Variants in DHX30 observed in about 807,000 individuals in gnomAD.
DHX30 encodes DExH-box helicase 30.
A neutral mutation model predicts 116.9 loss-of-function variants in DHX30; 4 were observed. The ratio of observed to expected loss-of-function variants is 0.03; its 90% CI spans 0.02 to 0.08. The LOEUF (loss-of-function observed/expected upper bound fraction) is 0.08. Among genes scored for constraint, DHX30 ranks in the 10% least tolerant of loss-of-function variants. The pLI is 1.00. For missense variants in DHX30, 871 were observed against 1,595.1 expected, an observed-to-expected ratio of 0.55 and a Z score of 7.73; for synonymous variants, 697 against 651.7, an observed-to-expected ratio of 1.07 and a Z score of -1.06.
rs527633038 is a variant in DHX30 at position 47,841,700 on chromosome 3, A to G, written c.752A>G (p.Lys251Arg). 3.1e-6 allele frequency: 5 copies of G among 1,614,240 alleles called. No homozygotes were observed. The highest frequency in any genetic ancestry group is 2.7e-5 in the African/African-American group (2 of 75,056). ...CCACTTCCCAAGAACCTTCTGGCCA[A>G]GGTGATTCAGATTGCAACGTCATCC... ...QFPLPKNLLAKVIQIATSSST... is the reference protein window; with the variant it reads ...QFPLPKNLLARVIQIATSSST... Residue 251 changes from lysine to arginine, a missense_variant, in exon 8 of 22, where the codon AAG becomes AGG. Transcript: ENST00000445061.
In DHX30 at chr3:47,848,889, G is replaced by C. The variant is rs1207657948; in HGVS notation, c.2770-31G>C. The C allele has an allele frequency of 6.3e-7, 1 of 1,596,292 alleles. No individual in the cohort carries two copies. Among genetic ancestry groups the C allele is most frequent in the Non-Finnish European group, 8.6e-7 (1 of 1,167,354 alleles). On this transcript the variant is annotated intron_variant, in intron 17 of 21. Coordinates refer to ENST00000445061, the MANE Select transcript of DHX30 (RefSeq NM_138615.3). This position sits in a 1 kb window ranked among gnomAD's most constrained non-coding sequence, Gnocchi z 9.4. ...AGGGGGCGTTGTCTAGCCCCTGCCTGTGATCCGGCTGCCCTCTTCTCCCCT... is the reference window on the plus strand; with the variant it reads ...AGGGGGCGTTGTCTAGCCCCTGCCTCTGATCCGGCTGCCCTCTTCTCCCCT...
rs1300208833 is a variant in DHX30 at position 47,848,068 on chromosome 3, G to A, written c.2286+112G>A. 68 of 1,579,664 alleles carry A rather than the reference G, an allele frequency of 4.3e-5. No individual in the cohort carries two copies. The highest frequency in any genetic ancestry group is 8.5e-5 in the Admixed American group (5 of 59,126). ...GCTTTGTGTGTCTTCAGAAGGCCGCGCTTGTGGGGTCTCAGTGTTCCTGAT... is the reference window on the plus strand; with the variant it reads ...GCTTTGTGTGTCTTCAGAAGGCCGCACTTGTGGGGTCTCAGTGTTCCTGAT... On this transcript the variant is annotated intron_variant, in intron 14 of 21. Transcript: ENST00000445061. The surrounding 1 kb of genome is among the most constrained non-coding windows in gnomAD (Gnocchi z 9.4).
intron 4 of DHX30, chr3:47,826,174 C>G (rs1296638198): frequency 1.3e-5 from 2 of 152,234 alleles, no homozygotes; most frequent in Non-Finnish European, 2.9e-5. Context: ...ATATATACAG[C>G]TCCTTTTGGA....
At position 47,848,510 on chromosome 3, in the gene DHX30, C is replaced by G; in HGVS notation, c.2535C>G (p.Ile845Met). Residue 845 changes from isoleucine (I) to methionine (M), a missense_variant, in exon 16 of 22, where the codon ATC (isoleucine) becomes ATG (methionine). By Grantham distance (10) the Ile-to-Met change is conservative (BLOSUM62 1). Transcript: ENST00000445061. The surrounding 1 kb of genome is among the most constrained non-coding windows in gnomAD (Gnocchi z 9.4). ...FLSKAVDSPN[I>M]KAVDEAVILL... is the part of the protein sequence containing the mutation. ...CCAAGGCTGTGGACAGTCCAAACAT[C>G]AAGGCAGTGGACGAGGCTGTGATCT... The G allele has an allele frequency of 6.2e-7, 1 of 1,613,788 alleles. No homozygotes were observed. The highest frequency in any genetic ancestry group is 8.5e-7 in the Non-Finnish European group (1 of 1,179,946).
At chr3:47,849,129 G>A in intron 18 of DHX30, 50 bp downstream of exon 18, 1 of 1,612,348 alleles carries the variant, frequency 6.2e-7, no homozygotes, top group Non-Finnish European at 8.5e-7. Flanking sequence ...CCCCCACTGA[G>A]TTTCTGTCAC....
At chr3:47,825,048 C>A (rs751807980) in intron 4 of DHX30, 3 of 656,528 alleles carry the variant, frequency 4.6e-6, no homozygotes, top group Non-Finnish European at 8.2e-6. Flanking sequence ...CGATGGCGGC[C>A]GCTAGGAGAC....
chr3:47,841,927 CAG>C, intron 8 of DHX30, 190 bp downstream of exon 8: 1 of 750,858 alleles, frequency 1.3e-6, no homozygotes, highest in East Asian at 2.6e-5. Flanking sequence ...CTCAGCAGCA[CAG>C]GGAGTGGGCT....
intron 4 of DHX30, among the ~76,000 whole-genome samples, chr3:47,826,403 G>A (rs929249823): frequency 2.6e-5 from 4 of 151,932 alleles, no homozygotes; most frequent in African/African-American, 7.3e-5. Context: ...GAACTTGGGG[G>A]AGGAGTAATT....
At chr3:47,813,939 A>ACTGAACTT (rs1442128275) in intron 3 of DHX30, among the ~76,000 whole-genome samples, 2 of 147,906 alleles carry the variant, frequency 1.4e-5, no homozygotes, top group Admixed American at 1.4e-4. Context: ...GAAGGAAAAA[A>ACTGAACTT]CTGAACTTGA....
rs566630504 is a variant in DHX30, at chr3:47,839,371, C to T, written c.367-1506C>T. The stretch of plus-strand genomic sequence containing the variant: ...GTGCAATGGTGCGATCTCAGCTCAC[C>T]GCAACCTCTGCCTCCCAGGTTCAAG... On this transcript the variant is annotated intron_variant, in intron 6 of 21. Coordinates refer to ENST00000445061, the MANE Select transcript of DHX30 (RefSeq NM_138615.3). Among the ~76,000 whole-genome samples the T allele has an allele frequency of 1.4e-4, 21 of 146,636 alleles. No homozygotes were observed. In the East Asian group the frequency reaches 1.7e-3, roughly 12 times the overall value.
intron 4 of DHX30, among the ~76,000 whole-genome samples, chr3:47,824,318 A>G (rs2036438845): frequency 6.6e-6 from 1 of 151,690 alleles, no homozygotes; most frequent in African/African-American, 2.4e-5. Context: ...CAGCACTTTC[A>G]CTGCTGGACT....
chr3:47,829,343 G>GT (rs539815717), intron 6 of DHX30, among the ~76,000 whole-genome samples: 4,739 of 69,494 alleles, frequency 0.068, 231 homozygotes, highest in South Asian at 0.14. Context: ...TGTGTTTTTG[G>GT]TTTTTTTTTT....
intron 9 of DHX30, 138 bp downstream of exon 9, chr3:47,843,393 G>A: frequency 8.4e-7 from 1 of 1,194,738 alleles, no homozygotes; most frequent in Non-Finnish European, 1.2e-6. Context: ...CAGCTGGTAT[G>A]CAGGCCTCGC....
chr3:47,816,759 G>A, intron 3 of DHX30: 4 of 985,376 alleles, frequency 4.1e-6, no homozygotes, highest in Non-Finnish European at 4.8e-6. Context: ...TGTGCAGCTG[G>A]GACTGTGGGG....
intron 9 of DHX30, among the ~76,000 whole-genome samples, chr3:47,845,076 TGTG>T (rs1559718546): frequency 1.3e-5 from 2 of 152,072 alleles, no homozygotes; most frequent in Non-Finnish European, 2.9e-5. Context: ...AGTGGCCTAT[TGTG>T]GTGTTGGGGG....
intron 4 of DHX30, chr3:47,825,360 G>T (rs1022172900): frequency 1.9e-6 from 1 of 528,064 alleles, no homozygotes; most frequent in Admixed American, 4.1e-5. Flanking sequence ...CTCTTCCATA[G>T]TGGCCAAGTT....
At chr3:47,838,543 A>G (rs1459103503) in intron 6 of DHX30, among the ~76,000 whole-genome samples, 1 of 152,216 alleles carries the variant, frequency 6.6e-6, no homozygotes, top group East Asian at 1.9e-4. Context: ...ATTATCTCAA[A>G]AACCCAAGGA....
At chr3:47,839,837 G>A (rs1051457946) in intron 6 of DHX30, among the ~76,000 whole-genome samples, 28 of 151,296 alleles carry the variant, frequency 1.9e-4, no homozygotes, top group African/African-American at 4.9e-4. Flanking sequence ...CACCACGCCC[G>A]GCTAATTTTT....
At chr3:47,833,890 A>G (rs144027759) in intron 6 of DHX30, among the ~76,000 whole-genome samples, 3 of 152,182 alleles carry the variant, frequency 2.0e-5, no homozygotes, top group African/African-American at 4.8e-5. Flanking sequence ...TCTCTTAGCA[A>G]ATTTCCAGTT....
Sources: allele counts gnomAD v4.1 joint callset (sites outside exome capture counted in the v4.1 genomes callset), GRCh38; gene constraint gnomAD v4.1.1; non-coding constraint Gnocchi (gnomAD v3.1); transcripts MANE v1.5; gene names NCBI Gene and HGNC (gene_info 2026-07-23, HGNC 2026-07-21).